APP: variants seen among roughly 807,000 people sequenced by gnomAD.
The protein encoded by APP is amyloid beta precursor protein, also known as amyloid-beta precursor protein.
In APP, 31 loss-of-function variants were observed where a neutral mutation model predicts 101.4. The ratio of observed to expected loss-of-function variants is 0.31; its 90% CI spans 0.23 to 0.41. The LOEUF (loss-of-function observed/expected upper bound fraction) is 0.41, where lower values mean the gene tolerates loss of function less well. Ranked by LOEUF, APP falls within the 10% of genes least tolerant of loss-of-function variation. The pLI, the probability that APP is intolerant of heterozygous loss-of-function variation, is 1.00. For missense variants in APP, 839 were observed against 1,003.7 expected, an observed-to-expected ratio of 0.84 and a Z score of 2.22; for synonymous variants, 366 against 364.4, an observed-to-expected ratio of 1.00 and a Z score of -0.05.
At chr21:25,900,209 C>G (rs1157166093) in intron 15 of APP, among the ~76,000 whole-genome samples, 1 of 151,852 alleles carries the variant, frequency 6.6e-6, no homozygotes, top group Non-Finnish European at 1.5e-5. Flanking sequence ...CCAGTGATTT[C>G]TTTAGAGCTC....
At chr21:25,961,147 G>T (rs1370658844) in intron 11 of APP, among the ~76,000 whole-genome samples, 1 of 152,096 alleles carries the variant, frequency 6.6e-6, no homozygotes, top group Admixed American at 6.5e-5. Flanking sequence ...AAACTCAAAA[G>T]AATGCAACTG....
intron 6 of APP, among the ~76,000 whole-genome samples, chr21:26,013,608 T>C (rs915544496): frequency 6.6e-6 from 1 of 152,134 alleles, no homozygotes; most frequent in Admixed American, 6.5e-5. Context: ...TAGATATAAT[T>C]GTATTAAAAT....
At position 26,150,229 on chromosome 21, in the gene APP, C is replaced by A. The variant is rs934767429; in HGVS notation, c.57+20335G>T. ...CAAGACAAAGGAGAGGGGATTAGGG[C>A]TTCCAGGGGAAGTGTGGTAAGGTAA... On this transcript the variant is annotated intron_variant, in intron 1 of 17. Transcript: ENST00000346798. Among the ~76,000 whole-genome samples the A allele has an allele frequency of 1.0e-3, 153 of 152,018 alleles. 11 individuals are homozygous for A. Among genetic ancestry groups the A allele is most frequent in the African/African-American group, 2.4e-5 (1 of 41,366 alleles).
chr21:25,916,672 C>T (rs2039363920), intron 13 of APP, among the ~76,000 whole-genome samples: 1 of 152,166 alleles, frequency 6.6e-6, no homozygotes, highest in African/African-American at 2.4e-5. Context: ...ATTTTCAGAA[C>T]TTTTAAGCAT....
chr21:26,002,005 G>A (rs1165348372), intron 6 of APP, among the ~76,000 whole-genome samples: 2 of 152,194 alleles, frequency 1.3e-5, no homozygotes, highest in Non-Finnish European at 2.9e-5. Context: ...GGATACTTAC[G>A]TCAACAAGTT....
intron 17 of APP, among the ~76,000 whole-genome samples, chr21:25,890,700 G>C (rs1293977642): frequency 3.1e-5 from 4 of 127,614 alleles, no homozygotes; most frequent in Non-Finnish European, 4.7e-5. Flanking sequence ...GATCCAGCCT[G>C]GGCAACAGCG....
intron 1 of APP, among the ~76,000 whole-genome samples, chr21:26,138,966 T>G (rs1378956827): frequency 6.6e-6 from 1 of 152,164 alleles, no homozygotes; most frequent in Non-Finnish European, 1.5e-5. Context: ...TGCAGTTTTA[T>G]GTAGACTGGC....
intron 3 of APP, among the ~76,000 whole-genome samples, chr21:26,078,068 C>T (rs1205801181): frequency 6.6e-6 from 1 of 152,084 alleles, no homozygotes; most frequent in African/African-American, 2.4e-5. Context: ...ATCCATGATG[C>T]TTATTTGTGT....
chr21:25,928,942 G>A (rs909348156), intron 13 of APP: 2 of 151,928 alleles, frequency 1.3e-5, no homozygotes, highest in Non-Finnish European at 2.9e-5. Context: ...GGATGGTCTC[G>A]ATCTTCTAAC....
intron 11 of APP, among the ~76,000 whole-genome samples, chr21:25,961,897 A>G (rs889568890): frequency 1.3e-5 from 2 of 150,128 alleles, no homozygotes; most frequent in East Asian, 4.0e-4. Context: ...AAGAGAGTTT[A>G]AGAAACATTT....
At chr21:25,947,942 T>C (rs1600992484) in intron 13 of APP, among the ~76,000 whole-genome samples, 1 of 146,224 alleles carries the variant, frequency 6.8e-6, no homozygotes, top group Non-Finnish European at 1.5e-5. Flanking sequence ...GAGGCGGAGG[T>C]TGCAGTGAGC....
Position 26,085,846 on chromosome 21 carries a change from T to C in APP, c.355+4097A>G, listed in dbSNP as rs908010683. Among the ~76,000 whole-genome samples the C allele has an allele frequency of 3.9e-5, 6 of 152,234 alleles. No individual in the cohort carries two copies. The South Asian group carries it at 1.2e-3, about 31-fold the overall frequency. ...TCAAAATTAATATGAATTGAATACC[T>C]TTCTCATTTGACCATATCTGATAAG... On this transcript the variant is annotated intron_variant, in intron 3 of 17. Transcript: ENST00000346798.
intron 5 of APP, among the ~76,000 whole-genome samples, chr21:26,047,450 T>C (rs941037761): frequency 6.6e-6 from 1 of 152,226 alleles, no homozygotes; most frequent in Non-Finnish European, 1.5e-5. Context: ...AGGCTGCCAG[T>C]TGGCAGGAGC....
At chr21:25,898,126 T>C (rs1167677037) in intron 15 of APP, 2 of 183,904 alleles carry the variant, frequency 1.1e-5, no homozygotes, top group African/African-American at 4.8e-5. Flanking sequence ...ACAAAACTGC[T>C]ACTTTGGGGC....
At chr21:25,982,199 G>C (rs1464563301) in intron 9 of APP, 145 bp downstream of exon 9, 1 of 926,140 alleles carries the variant, frequency 1.1e-6, no homozygotes, top group Non-Finnish European at 1.7e-6. Flanking sequence ...CCCACAAACT[G>C]TGCCCACACA....
chr21:25,908,871 C>G (rs114769564), intron 14 of APP, among the ~76,000 whole-genome samples: 11 of 152,110 alleles, frequency 7.2e-5, no homozygotes, highest in African/African-American at 2.7e-4. Context: ...AAGCACATAG[C>G]AGGGCTGGAA....
chr21:26,103,309 A>C (rs2062104902), intron 2 of APP, among the ~76,000 whole-genome samples: 1 of 152,172 alleles, frequency 6.6e-6, no homozygotes, highest in South Asian at 2.1e-4. Flanking sequence ...ACATGTCTTT[A>C]GAATTCTGTC....
intron 6 of APP, among the ~76,000 whole-genome samples, chr21:26,005,507 G>C (rs113766132): frequency 0.018 from 2,688 of 152,252 alleles, 84 homozygotes; most frequent in African/African-American, 0.061. Flanking sequence ...TCAGAGATTG[G>C]AAGATTTGGA....
chr21:26,105,246 A>T (rs2062156335), intron 2 of APP, among the ~76,000 whole-genome samples: 1 of 152,166 alleles, frequency 6.6e-6, no homozygotes, highest in Non-Finnish European at 1.5e-5. Context: ...GATGAAAGTC[A>T]TCCAACAAAA....
Sources: gnomAD v4.1 joint callset for allele counts (sites outside exome capture counted in the v4.1 genomes callset) on GRCh38, gnomAD v4.1.1 for gene constraint, MANE v1.5 for transcripts, NCBI Gene and HGNC (gene_info 2026-07-23, HGNC 2026-07-21) for gene names.